VWC2: variants seen among roughly 807,000 people sequenced by gnomAD.
The protein encoded by VWC2 is von Willebrand factor C domain containing 2.
Under a neutral mutation model 29.8 loss-of-function variants are expected in VWC2, and 14 were observed. The ratio of observed to expected loss-of-function variants is 0.47; its 90% CI spans 0.31 to 0.74. The LOEUF is 0.74. Among genes scored for constraint, VWC2 ranks in the 30% least tolerant of loss-of-function variants. The pLI is 0.05. For missense variants in VWC2, 457 were observed against 459.8 expected, an observed-to-expected ratio of 0.99 and a Z score of 0.05; for synonymous variants, 213 against 199.0, an observed-to-expected ratio of 1.07 and a Z score of -0.59.
intron 1 of VWC2, among the ~76,000 whole-genome samples, chr7:49,775,032 G>T (rs1788019295): frequency 6.6e-6 from 1 of 152,322 alleles, no homozygotes; most frequent in East Asian, 1.9e-4. Flanking sequence ...GCAGGGGGGC[G>T]CGGGCCTGGC....
intron 3 of VWC2, among the ~76,000 whole-genome samples, chr7:49,860,419 A>G (rs570785703): frequency 6.6e-6 from 1 of 152,322 alleles, no homozygotes; most frequent in African/African-American, 2.4e-5. Flanking sequence ...AACTTGTAGC[A>G]TGGATTAGTG....
chr7:49,877,006 T>G (rs1791439065), intron 3 of VWC2, among the ~76,000 whole-genome samples: 1 of 152,150 alleles, frequency 6.6e-6, no homozygotes, highest in Non-Finnish European at 1.5e-5. Context: ...TAGGACAGTC[T>G]TGGGGTGCAG....
At chr7:49,835,482 G>A (rs1307952836) in intron 3 of VWC2, among the ~76,000 whole-genome samples, 1 of 152,168 alleles carries the variant, frequency 6.6e-6, no homozygotes, top group Non-Finnish European at 1.5e-5. Context: ...GTTAAAGAGG[G>A]CAAGACAGAT....
chr7:49,831,043 C>G (rs1005511495), intron 3 of VWC2, among the ~76,000 whole-genome samples: 3 of 152,156 alleles, frequency 2.0e-5, no homozygotes, highest in Non-Finnish European at 4.4e-5. Context: ...CCAGACATGA[C>G]TGTTTTAGCA....
chr7:49,816,293 C>A (rs1323044076), intron 3 of VWC2, among the ~76,000 whole-genome samples: 4 of 152,126 alleles, frequency 2.6e-5, no homozygotes, highest in Admixed American at 2.0e-4. Context: ...TACATTTGAC[C>A]TCCTGAAAGT....
At chr7:49,788,415 G>C (rs528551241) in intron 2 of VWC2, among the ~76,000 whole-genome samples, 3 of 151,948 alleles carry the variant, frequency 2.0e-5, no homozygotes, top group Non-Finnish European at 2.9e-5. Flanking sequence ...AATGCCAAAC[G>C]GGAGCACTGT....
chr7:49,841,539 T>C (rs963674208), intron 3 of VWC2, among the ~76,000 whole-genome samples: 1 of 152,204 alleles, frequency 6.6e-6, no homozygotes, highest in Non-Finnish European at 1.5e-5. Flanking sequence ...AGCTTAACTG[T>C]TATAGTGCAT....
At chr7:49,880,026 C>G (rs1364293194) in intron 3 of VWC2, among the ~76,000 whole-genome samples, 1 of 152,114 alleles carries the variant, frequency 6.6e-6, no homozygotes, top group East Asian at 1.9e-4. Context: ...CCAGAGGGAG[C>G]ATCATTTTCT....
intron 2 of VWC2, among the ~76,000 whole-genome samples, chr7:49,792,445 C>A (rs1026905655): frequency 4.6e-5 from 7 of 152,194 alleles, no homozygotes; most frequent in African/African-American, 1.7e-4. Context: ...CTCCTGTGAC[C>A]AGGCAGTGAC....
Position 49,800,504 on chromosome 7 carries a change from G to A in VWC2, c.697-2207G>A, listed in dbSNP as rs552579546. Among the ~76,000 whole-genome samples, 20 of 152,212 alleles carry A rather than the reference G, an allele frequency of 1.3e-4. No individual in the cohort carries two copies. The South Asian group carries it at 2.7e-3, about 21-fold the overall frequency. ...GAGGACAGACCTCACTATCTGACCC[G>A]CTTGCTCCTTGCTGACTATCCTGAT... On this transcript the variant is annotated intron_variant, in intron 2 of 3. Coordinates refer to ENST00000340652, the MANE Select transcript of VWC2 (RefSeq NM_198570.5).
At chr7:49,801,100 G>A (rs1045390133) in intron 2 of VWC2, among the ~76,000 whole-genome samples, 2 of 152,134 alleles carry the variant, frequency 1.3e-5, no homozygotes, top group African/African-American at 4.8e-5. Context: ...GTGGTCTAGT[G>A]CCTCAGAAAG....
intron 3 of VWC2, among the ~76,000 whole-genome samples, chr7:49,848,399 G>A (rs1790043317): frequency 6.6e-6 from 1 of 152,198 alleles, no homozygotes; most frequent in African/African-American, 2.4e-5. Context: ...CAGTGTGTGA[G>A]AGCCGGGCAT....
At chr7:49,869,751 A>G (rs1371307751) in intron 3 of VWC2, among the ~76,000 whole-genome samples, 1 of 152,180 alleles carries the variant, frequency 6.6e-6, no homozygotes, top group Non-Finnish European at 1.5e-5. Flanking sequence ...CTACACTATG[A>G]CCAGCAAACA....
intron 3 of VWC2, among the ~76,000 whole-genome samples, chr7:49,846,004 G>A (rs1344713733): frequency 1.3e-5 from 2 of 152,158 alleles, no homozygotes; most frequent in Non-Finnish European, 2.9e-5. Flanking sequence ...GATAAAAGAC[G>A]GCTCCAGTCC....
chr7:49,828,379 C>T (rs1443326366), intron 3 of VWC2, among the ~76,000 whole-genome samples: 1 of 152,134 alleles, frequency 6.6e-6, no homozygotes, highest in Non-Finnish European at 1.5e-5. Flanking sequence ...CAAGTAAACA[C>T]TAAGGTTTTT....
intron 3 of VWC2, among the ~76,000 whole-genome samples, chr7:49,859,656 C>G (rs985718688): frequency 6.6e-6 from 1 of 152,224 alleles, no homozygotes; most frequent in South Asian, 2.1e-4. Flanking sequence ...ACTGTGCTCT[C>G]TAAAGTGCTA....
At chr7:49,829,246 G>A (rs760899944) in intron 3 of VWC2, among the ~76,000 whole-genome samples, 9 of 152,198 alleles carry the variant, frequency 5.9e-5, no homozygotes, top group Non-Finnish European at 1.2e-4. Flanking sequence ...CTTTAGCAGT[G>A]CTTAGAATCT....
rs76595196 is a variant in VWC2 at position 49,779,760 on chromosome 7, A to G, written c.696+3629A>G. ...TTTTCAGACTTCCACATTTCCAAGT[A>G]ATCTGGAAGTCCAAGATCAAGGTGT... is the stretch of plus-strand genomic sequence containing the variant. On this transcript the variant is annotated intron_variant, in intron 2 of 3. Coordinates refer to ENST00000340652, the MANE Select transcript of VWC2 (RefSeq NM_198570.5). Among the ~76,000 whole-genome samples, 873 of 152,336 alleles carry G rather than the reference A, an allele frequency of 5.7e-3. 6 individuals carry two copies. Among genetic ancestry groups the G allele is most frequent in the African/African-American group, 0.02 (840 of 41,564 alleles).
At chr7:49,846,714 T>C (rs1289737337) in intron 3 of VWC2, among the ~76,000 whole-genome samples, 1 of 152,240 alleles carries the variant, frequency 6.6e-6, no homozygotes, top group Non-Finnish European at 1.5e-5. Flanking sequence ...AAAGAGCAGA[T>C]AATGCTTAAC....
Sources: gnomAD v4.1 joint callset for allele counts (sites outside exome capture counted in the v4.1 genomes callset) on GRCh38, gnomAD v4.1.1 for gene constraint, MANE v1.5 for transcripts, NCBI Gene and HGNC (gene_info 2026-07-23, HGNC 2026-07-21) for gene names.